SSBP2: variants seen among roughly 807,000 people sequenced by gnomAD.
The protein encoded by SSBP2 is single-stranded DNA-binding protein 2.
SSBP2 carries 17 observed loss-of-function variants against 61.8 expected under a neutral mutation model. The ratio of observed to expected loss-of-function variants is 0.28; its 90% CI spans 0.19 to 0.41. The LOEUF (loss-of-function observed/expected upper bound fraction) is 0.41, where lower values mean the gene tolerates loss of function less well. SSBP2 is among the 10% of genes least tolerant of loss of function. The pLI, the probability that SSBP2 is intolerant of heterozygous loss-of-function variation, is 1.00. For missense variants in SSBP2, 310 were observed against 458.7 expected (o/e 0.68, Z 2.96); for synonymous variants, 139 against 141.3 (o/e 0.98, Z 0.12).
intron 3 of SSBP2, among the ~76,000 whole-genome samples, chr5:81,636,045 A>G (rs2153672036): frequency 1.3e-5 from 2 of 152,264 alleles, no homozygotes; most frequent in Middle Eastern, 3.4e-3. Flanking sequence ...TCTTTGGGAA[A>G]TCCTTAGGTT....
intron 4 of SSBP2, among the ~76,000 whole-genome samples, chr5:81,587,890 G>A (rs1014166775): frequency 6.6e-6 from 1 of 152,180 alleles, no homozygotes; most frequent in Non-Finnish European, 1.5e-5. Context: ...GGTAGATGGA[G>A]ACACTGAGCC....
chr5:81,680,398 T>G (rs1752300020), intron 1 of SSBP2, among the ~76,000 whole-genome samples: 1 of 149,722 alleles, frequency 6.7e-6, no homozygotes, highest in Non-Finnish European at 1.5e-5. Context: ...TAGGTTCTGT[T>G]TCTTGGAGAA....
At chr5:81,715,488 T>C (rs1208997158) in intron 1 of SSBP2, among the ~76,000 whole-genome samples, 1 of 152,130 alleles carries the variant, frequency 6.6e-6, no homozygotes, top group African/African-American at 2.4e-5. Context: ...ATTAATAGAA[T>C]AGTTAAGAAG....
At chr5:81,425,225 A>C (rs576808548) in intron 16 of SSBP2, among the ~76,000 whole-genome samples, 31 of 152,340 alleles carry the variant, frequency 2.0e-4, no homozygotes, top group African/African-American at 7.2e-4. Context: ...TTCTGTTTAT[A>C]CATGTCAAGA....
intron 4 of SSBP2, among the ~76,000 whole-genome samples, chr5:81,579,144 A>C (rs886256445): frequency 6.6e-6 from 1 of 152,100 alleles, no homozygotes; most frequent in Admixed American, 6.6e-5. Context: ...GGTTGAGTCA[A>C]ACATCAAAGT....
intron 16 of SSBP2, 148 bp downstream of exon 16, chr5:81,428,437 A>G (rs77097724): frequency 0.11 from 61,147 of 572,460 alleles, 3,624 homozygotes; most frequent in Middle Eastern, 0.17. Context: ...ATTATTTTCA[A>G]AGATATTCCA....
At chr5:81,673,764 A>G (rs745692113) in intron 1 of SSBP2, among the ~76,000 whole-genome samples, 1 of 152,242 alleles carries the variant, frequency 6.6e-6, no homozygotes, top group Non-Finnish European at 1.5e-5. Flanking sequence ...ACATGGCTAA[A>G]GACGTTGGCA....
intron 4 of SSBP2, among the ~76,000 whole-genome samples, chr5:81,588,466 T>C (rs975058018): frequency 2.1e-4 from 32 of 152,078 alleles, no homozygotes; most frequent in African/African-American, 4.8e-4. Context: ...CAGTAGTCCA[T>C]ACTGCCTCAG....
chr5:81,739,440 C>T (rs1211788927), intron 1 of SSBP2, among the ~76,000 whole-genome samples: 2 of 152,194 alleles, frequency 1.3e-5, no homozygotes, highest in Non-Finnish European at 1.5e-5. Context: ...CTGACACTCT[C>T]ACAGCCCTAG....
chr5:81,458,200 A>C (rs1468992458), intron 10 of SSBP2, among the ~76,000 whole-genome samples: 2 of 152,198 alleles, frequency 1.3e-5, no homozygotes, highest in African/African-American at 4.8e-5. Flanking sequence ...TGTAACAAGT[A>C]AATTGGGATT....
chr5:81,566,948 G>T (rs1773466653), intron 4 of SSBP2, among the ~76,000 whole-genome samples: 2 of 152,214 alleles, frequency 1.3e-5, no homozygotes, highest in African/African-American at 4.8e-5. Context: ...TCTGACAGAA[G>T]AAATTCCTAA....
chr5:81,427,482 A>G (rs1371313913), intron 16 of SSBP2, among the ~76,000 whole-genome samples: 1 of 152,216 alleles, frequency 6.6e-6, no homozygotes, highest in Non-Finnish European at 1.5e-5. Context: ...GGATATCAGA[A>G]CTACAAGAAT....
At chr5:81,556,026 C>A (rs150802165) in intron 4 of SSBP2, among the ~76,000 whole-genome samples, 3 of 152,186 alleles carry the variant, frequency 2.0e-5, no homozygotes, top group African/African-American at 7.2e-5. Context: ...CACAGACGTA[C>A]GTCAAGAATG....
At chr5:81,449,384 C>T (rs971588080) in intron 10 of SSBP2, among the ~76,000 whole-genome samples, 4 of 152,054 alleles carry the variant, frequency 2.6e-5, no homozygotes, top group Non-Finnish European at 4.4e-5. Context: ...AACCAGAAAA[C>T]CTATGTTTAA....
chr5:81,551,293 A>G (rs968561987), intron 4 of SSBP2, among the ~76,000 whole-genome samples: 5 of 152,112 alleles, frequency 3.3e-5, no homozygotes, highest in Non-Finnish European at 7.4e-5. Context: ...TTTCTTAAGT[A>G]TATGTATCTG....
At chr5:81,706,974 CTCATT>C (rs1754441002) in intron 1 of SSBP2, among the ~76,000 whole-genome samples, 1 of 152,146 alleles carries the variant, frequency 6.6e-6, no homozygotes, top group Admixed American at 6.5e-5. Flanking sequence ...CTTATGTATT[CTCATT>C]TAAGAAAATT....
intron 5 of SSBP2, among the ~76,000 whole-genome samples, chr5:81,509,306 T>C (rs1000740350): frequency 1.8e-4 from 27 of 152,212 alleles, no homozygotes; most frequent in Non-Finnish European, 3.7e-4. Flanking sequence ...GTTTATGAAC[T>C]GTGAACTGAT....
At chr5:81,591,310 G>C (rs1775481801) in intron 4 of SSBP2, among the ~76,000 whole-genome samples, 1 of 152,120 alleles carries the variant, frequency 6.6e-6, no homozygotes, top group Non-Finnish European at 1.5e-5. Context: ...AAAAAGAGGA[G>C]GCATGCCAAT....
chr5:81,420,510 G>A lies in SSBP2; in HGVS notation c.1080C>T (p.Ser360=), dbSNP rs1273582658. The A allele has an allele frequency of 4.3e-6, 7 of 1,613,660 alleles. No individual in the cohort carries two copies. The highest frequency in any genetic ancestry group is 2.2e-5 in the East Asian group (1 of 44,862). ...GAGGAGACTTGGTAATGGATCACAC[G>A]CTCATTGTCATGCTAGGGGAGTACT... The change falls in exon 17 of 17, where the codon AGC becomes AGT. Residue 360 remains serine, a synonymous_variant. Transcript: ENST00000320672.
Sources: gnomAD v4.1 joint callset for allele counts (sites outside exome capture counted in the v4.1 genomes callset) on GRCh38, gnomAD v4.1.1 for gene constraint, MANE v1.5 for transcripts, NCBI Gene and HGNC (gene_info 2026-07-23, HGNC 2026-07-21) for gene names.